The following KIAA0319 variants were observed in gnomAD, a reference collection of about 807,000 sequenced individuals.
KIAA0319 encodes the protein dyslexia-associated protein KIAA0319.
Under a neutral mutation model 108.4 loss-of-function variants are expected in KIAA0319, and 83 were observed. The ratio of observed to expected loss-of-function variants is 0.77; its 90% CI spans 0.64 to 0.92. The LOEUF is 0.92. Ranked by LOEUF, KIAA0319 falls within the 40% of genes least tolerant of loss-of-function variation. The pLI is 0.00. For synonymous variants in KIAA0319, 484 were observed against 510.4 expected (o/e 0.95, Z 0.70); for missense variants, 1,195 against 1,322.4 (o/e 0.90, Z 1.49).
chr6:24,631,713 A>G (rs1007267370), intron 1 of KIAA0319, among the ~76,000 whole-genome samples: 24 of 152,248 alleles, frequency 1.6e-4, no homozygotes, highest in African/African-American at 5.5e-4. Context: ...ATTTCTCCCT[A>G]AATTCAATTC....
intron 1 of KIAA0319, among the ~76,000 whole-genome samples, chr6:24,625,064 C>G (rs746511224): frequency 1.8e-4 from 28 of 152,162 alleles, no homozygotes; most frequent in Non-Finnish European, 3.4e-4. Flanking sequence ...GCTCCCCTCT[C>G]TAAAAAACAG....
intron 13 of KIAA0319, among the ~76,000 whole-genome samples, chr6:24,568,456 T>G (rs1764207271): frequency 6.6e-6 from 1 of 152,226 alleles, no homozygotes; most frequent in Non-Finnish European, 1.5e-5. Context: ...AAACATCTCT[T>G]TTCTTGAATT....
At chr6:24,549,957 G>A (rs900568833) in intron 20 of KIAA0319, among the ~76,000 whole-genome samples, 3 of 152,162 alleles carry the variant, frequency 2.0e-5, no homozygotes, top group Non-Finnish European at 4.4e-5. Context: ...AAACAGGAAT[G>A]TCAGAAGGAT....
chr6:24,576,849 C>T (rs541189866), intron 9 of KIAA0319, among the ~76,000 whole-genome samples: 1 of 151,642 alleles, frequency 6.6e-6, no homozygotes, highest in South Asian at 2.1e-4. Flanking sequence ...CATTTGAGCC[C>T]GGGAGGTCAA....
At position 24,556,757 on chromosome 6, in the gene KIAA0319, C is replaced by T. The variant is rs1762350347; in HGVS notation, c.2735-28G>A. 1.9e-6 allele frequency: 3 copies of T among 1,593,440 alleles called. No homozygotes were observed. In the South Asian group the frequency reaches 3.4e-5, roughly 18 times the overall value. On this transcript the variant is annotated intron_variant, in intron 17 of 20. Coordinates refer to ENST00000378214, the MANE Select transcript of KIAA0319 (RefSeq NM_014809.4). ...GCAAAGAGGTGTGTAGGGCTGAGGG[C>T]AGCATGCAGAAAAGGGAATCCCTGG...
At chr6:24,584,870 G>A (rs1767209070) in intron 4 of KIAA0319, among the ~76,000 whole-genome samples, 1 of 152,182 alleles carries the variant, frequency 6.6e-6, no homozygotes, top group Non-Finnish European at 1.5e-5. Flanking sequence ...ACAACTGTAT[G>A]CAGTAGGTTC....
intron 17 of KIAA0319, among the ~76,000 whole-genome samples, 179 bp downstream of exon 17, chr6:24,558,834 C>T (rs186862401): frequency 4.8e-4 from 73 of 152,220 alleles, no homozygotes; most frequent in African/African-American, 1.6e-3. Flanking sequence ...ATTTTTCTTC[C>T]AAGACCAAGA....
chr6:24,608,096 C>T (rs1468183601), intron 1 of KIAA0319, among the ~76,000 whole-genome samples: 5 of 151,964 alleles, frequency 3.3e-5, no homozygotes, highest in Non-Finnish European at 5.9e-5. Flanking sequence ...ATACAGAAAA[C>T]ATAATAGAGG....
intron 11 of KIAA0319, among the ~76,000 whole-genome samples, chr6:24,572,081 T>G (rs1309594709): frequency 6.6e-6 from 1 of 152,244 alleles, no homozygotes; most frequent in Non-Finnish European, 1.5e-5. Context: ...GGATAGAGGT[T>G]CTTGGACTAA....
chr6:24,601,026 T>C (rs1226301711), intron 2 of KIAA0319, 23 bp downstream of exon 2: 2 of 1,613,674 alleles, frequency 1.2e-6, no homozygotes, highest in African/African-American at 2.7e-5. Flanking sequence ...AACACGGGTA[T>C]CTCCAGGGTA....
chr6:24,604,940 A>G (rs1771182966), intron 1 of KIAA0319, among the ~76,000 whole-genome samples: 1 of 152,170 alleles, frequency 6.6e-6, no homozygotes, highest in African/African-American at 2.4e-5. Flanking sequence ...TCCCGGGTTC[A>G]AGCGATTCTC....
Position 24,572,688 on chromosome 6 carries a change from G to A in KIAA0319, c.1745C>T (p.Thr582Met), listed in dbSNP as rs141398887. 5.0e-5 allele frequency: 80 copies of A among 1,609,778 alleles called. No individual in the cohort carries two copies. The highest frequency in any genetic ancestry group is 9.4e-5 in the African/African-American group (7 of 74,780). Residue 582 changes from threonine (T) to methionine (M), a missense_variant, in exon 11 of 21, where the codon ACG becomes ATG. Thr to Met is a moderately conservative substitution (Grantham distance 81, BLOSUM62 -1). Coordinates refer to ENST00000378214, the MANE Select transcript of KIAA0319 (RefSeq NM_014809.4). ...GKHVVMQGVQ[T>M]PYLHLSAMQE... ...CATTGCAGATAAATGAAGGTATGGC[G>A]TCTGTACTCCCTAAGTAATAGCAAA...
At chr6:24,585,336 TAAAA>T (rs529068850) in intron 4 of KIAA0319, among the ~76,000 whole-genome samples, 1 of 141,126 alleles carries the variant, frequency 7.1e-6, no homozygotes, top group Non-Finnish European at 1.5e-5. Context: ...CTACAAAGAT[TAAAA>T]AAAAAAAAAG....
At chr6:24,568,431 C>T (rs917649436) in intron 13 of KIAA0319, among the ~76,000 whole-genome samples, 14 of 152,010 alleles carry the variant, frequency 9.2e-5, no homozygotes, top group African/African-American at 2.2e-4. Context: ...CACTAAGAAA[C>T]GATATGGAAT....
At position 24,569,887 on chromosome 6, in the gene KIAA0319, T is replaced by C. The variant is rs1192603580; in HGVS notation, c.1991+16A>G. ...CAGCATGGGCATGAACCTAGCTCAG[T>C]GGCGAGACAGACTACCTGACGTGCT... On this transcript the variant is annotated intron_variant, in intron 12 of 20. Coordinates refer to ENST00000378214, the MANE Select transcript of KIAA0319 (RefSeq NM_014809.4). 3.1e-6 allele frequency: 5 copies of C among 1,613,376 alleles called. No individual in the cohort carries two copies. The Admixed American group carries it at 8.3e-5, about 27-fold the overall frequency.
rs1212342388 is a variant in KIAA0319 at position 24,587,156 on chromosome 6, G to C, written c.994+1437C>G. Among the ~76,000 whole-genome samples the C allele has an allele frequency of 2.0e-5, 3 of 151,900 alleles. No homozygotes were observed. In the East Asian group the frequency reaches 5.8e-4, roughly 29 times the overall value. The stretch of plus-strand genomic sequence containing the variant: ...TCATTCAATCACTTATCAAATCTTT[G>C]TGACTCTGCTCCCTTCCTGTCTCCT... On this transcript the variant is annotated intron_variant, in intron 4 of 20. Transcript: ENST00000378214.
chr6:24,543,433 A>T (rs182823262), downstream of KIAA0319, among the ~76,000 whole-genome samples: 1,109 of 151,392 alleles, frequency 7.3e-3, 14 homozygotes, highest in African/African-American at 0.025. Context: ...CTCAATCTGC[A>T]TTTTTTTTTC....
chr6:24,625,997 G>A (rs562296208), intron 1 of KIAA0319, among the ~76,000 whole-genome samples: 7 of 152,124 alleles, frequency 4.6e-5, no homozygotes, highest in African/African-American at 7.2e-5. Flanking sequence ...ATATCTATCC[G>A]GTGGAATATT....
chr6:24,609,273 C>CAAAAAAAAAAAAAAAGAAAA (rs1771932348), intron 1 of KIAA0319, among the ~76,000 whole-genome samples: 1 of 74,840 alleles, frequency 1.3e-5, no homozygotes. Context: ...GTCTCAAAAA[C>CAAAAAAAAAAAAAAAGAAAA]AAAAAAAAAA....
Sources: gnomAD v4.1 joint callset for allele counts (sites outside exome capture counted in the v4.1 genomes callset) on GRCh38, gnomAD v4.1.1 for gene constraint, MANE v1.5 for transcripts, NCBI Gene and HGNC (gene_info 2026-07-23, HGNC 2026-07-21) for gene names.